Variants in PCNX1 observed in about 807,000 individuals in gnomAD.
The protein encoded by PCNX1 is pecanex 1.
PCNX1 carries 78 observed loss-of-function variants against 242.2 expected under a neutral mutation model. The ratio of observed to expected loss-of-function variants is 0.32; its 90% CI spans 0.27 to 0.39. The LOEUF (loss-of-function observed/expected upper bound fraction) is 0.39. PCNX1 is among the 10% of genes least tolerant of loss of function. PCNX1 has a pLI of 1.00. For missense variants in PCNX1, 2,581 were observed against 2,856.5 expected, an observed-to-expected ratio of 0.90 and a Z score of 2.20; for synonymous variants, 1,024 against 1,032.9, an observed-to-expected ratio of 0.99 and a Z score of 0.17.
chr14:70,909,337 T>C (rs1295477752), intron 1 of PCNX1, among the ~76,000 whole-genome samples: 1 of 152,188 alleles, frequency 6.6e-6, no homozygotes, highest in Non-Finnish European at 1.5e-5. Context: ...TGTTCAGTCT[T>C]GTTGCATTCT....
intron 32 of PCNX1, 107 bp downstream of exon 32, chr14:71,103,776 G>C (rs2062528038): frequency 1.1e-6 from 1 of 939,144 alleles, no homozygotes; most frequent in Admixed American, 2.2e-5. Context: ...AGGTGCCATG[G>C]TACAATATGA....
At chr14:71,010,173 A>T (rs1281395448) in intron 9 of PCNX1, among the ~76,000 whole-genome samples, 1 of 152,152 alleles carries the variant, frequency 6.6e-6, no homozygotes, top group Non-Finnish European at 1.5e-5. Context: ...AACAAAAGCT[A>T]TTCTGTGTTT....
intron 7 of PCNX1, among the ~76,000 whole-genome samples, chr14:70,989,534 A>ATTTT (rs34767376): frequency 4.9e-4 from 62 of 126,312 alleles, no homozygotes; most frequent in Admixed American, 8.9e-4. Context: ...ACAGATATAA[A>ATTTT]TTTTTTTTTT....
In PCNX1 at chr14:70,908,121, G is replaced by T. The variant is rs1459928662; in HGVS notation, c.153+118G>T. ...GTCCCCCGGGGGCCGCCACCCTCTC[G>T]GTGTGAGGCTCCCCGCCCCCACTGC... On this transcript the variant is annotated intron_variant, in intron 1 of 35. Transcript: ENST00000304743. The T allele has an allele frequency of 1.1e-5, 10 of 927,562 alleles. No homozygotes were observed. The East Asian group carries it at 2.0e-4, about 18-fold the overall frequency. The allele number at this position is 927,562 out of a possible 1,614,324, so 57.5% of individuals were successfully genotyped here. A position where few individuals can be genotyped will look rare whatever the true frequency, so the allele number is the denominator to read the frequency against.
Position 71,052,935 on chromosome 14 carries a change from C to G in PCNX1, c.4577+923C>G, listed in dbSNP as rs1026938780. On this transcript the variant is annotated intron_variant, in intron 24 of 35. Transcript: ENST00000304743. ...TTATGGAGCATAAACATTTTTAAGG[C>G]TTTTAATATAAACACATTGGTTTAG... Among the ~76,000 whole-genome samples, 16 of 152,230 alleles carry G rather than the reference C, an allele frequency of 1.1e-4. No individual in the cohort carries two copies. The South Asian group carries it at 1.2e-3, about 12-fold the overall frequency.
At chr14:70,919,738 G>T in intron 1 of PCNX1, among the ~76,000 whole-genome samples, 1 of 60,940 alleles carries the variant, frequency 1.6e-5, no homozygotes. Context: ...CCACCAAATA[G>T]GAGATGCTTT....
In PCNX1 at chr14:71,013,107, C is replaced by T. The variant is rs146931340; in HGVS notation, c.2901C>T (p.Ala967=). 27 of 1,614,006 alleles carry T rather than the reference C, an allele frequency of 1.7e-5. No homozygotes were observed. In the African/African-American group the frequency reaches 3.2e-4, roughly 19 times the overall value. ...AATYGPTEEA[A]QKVKHYYRFW... ...CTTACGGCCCAACAGAAGAAGCTGC[C>T]CAAAAGGTTAAACACTATTATCGCT... Residue 967 remains alanine (A), a synonymous_variant, in exon 11 of 36, where the codon GCC becomes GCT. Transcript: ENST00000304743.
At position 71,047,992 on chromosome 14, in the gene PCNX1, A is replaced by T; in HGVS notation, c.4338+8A>T. The T allele has an allele frequency of 6.3e-7, 1 of 1,598,560 alleles. No individual in the cohort carries two copies. The highest frequency in any genetic ancestry group is 8.6e-7 in the Non-Finnish European group (1 of 1,168,218). ...TCCATACTCTTCAACAAGGTAATTT[A>T]TCACTGAAAGGAATATCCTTATCTA... On this transcript the variant is annotated splice_region_variant and intron_variant, in intron 22 of 35. Coordinates refer to ENST00000304743, the MANE Select transcript of PCNX1 (RefSeq NM_014982.3).
intron 1 of PCNX1, among the ~76,000 whole-genome samples, chr14:70,945,050 A>G (rs757485688): frequency 5.9e-5 from 9 of 152,134 alleles, no homozygotes; most frequent in Non-Finnish European, 1.2e-4. Context: ...AGCTCATCCT[A>G]CAGCCCCTCT....
At chr14:70,949,213 G>C (rs2057633474) in intron 2 of PCNX1, among the ~76,000 whole-genome samples, 1 of 128,364 alleles carries the variant, frequency 7.8e-6, no homozygotes, top group Non-Finnish European at 1.6e-5. Context: ...ATATACACAT[G>C]TATATATAGA....
chr14:71,004,703 C>T (rs767215620), intron 8 of PCNX1, among the ~76,000 whole-genome samples: 3 of 152,110 alleles, frequency 2.0e-5, no homozygotes, highest in Non-Finnish European at 2.9e-5. Context: ...AAAACTGAGT[C>T]ACCACTTATG....
At chr14:71,012,160 CAAACAG>C (rs1284975936) in intron 10 of PCNX1, 2 of 152,898 alleles carry the variant, frequency 1.3e-5, no homozygotes, top group East Asian at 3.8e-4. Flanking sequence ...AACAAACAAA[CAAACAG>C]GGGTGAGGGA....
intron 6 of PCNX1, among the ~76,000 whole-genome samples, chr14:70,979,903 C>G (rs2058787479): frequency 6.6e-6 from 1 of 150,876 alleles, no homozygotes; most frequent in African/African-American, 2.4e-5. Flanking sequence ...TGGTTATAAC[C>G]ATTTGGTGAC....
intron 1 of PCNX1, among the ~76,000 whole-genome samples, chr14:70,919,303 A>G (rs940963883): frequency 6.6e-6 from 1 of 152,168 alleles, no homozygotes; most frequent in Non-Finnish European, 1.5e-5. Flanking sequence ...CAAATTAAGG[A>G]TGCATACTGC....
In PCNX1 at chr14:71,109,874, T is replaced by C. The variant is rs368244925; in HGVS notation, c.6965T>C (p.Ile2322Thr). Residue 2322 changes from isoleucine to threonine, a missense_variant, in exon 36 of 36, where the codon ATT becomes ACT. This residue lies in a region of PCNX1 where 432 missense variants were observed against 433.6 expected (regional missense o/e 1.00). Coordinates refer to ENST00000304743, the MANE Select transcript of PCNX1 (RefSeq NM_014982.3). ...HIDKAVLLVQ[I>T]DDKYVTVIET... ...GACAAGGCAGTGCTTCTGGTCCAGA[T>C]TGATGATAAATATGTGACTGTAATT... The C allele has an allele frequency of 2.0e-5, 33 of 1,613,090 alleles. No individual in the cohort carries two copies. The highest frequency in any genetic ancestry group is 3.3e-4 in the Middle Eastern group (2 of 6,082).
At chr14:70,923,997 G>A (rs1431008411) in intron 1 of PCNX1, among the ~76,000 whole-genome samples, 5 of 152,094 alleles carry the variant, frequency 3.3e-5, no homozygotes, top group Non-Finnish European at 5.9e-5. Flanking sequence ...TTGGGAGGCC[G>A]AGGCAGGCAG....
chr14:71,109,876 G>C lies in PCNX1; in HGVS notation c.6967G>C (p.Asp2323His). The C allele has an allele frequency of 6.2e-7, 1 of 1,613,178 alleles. No homozygotes were observed. The highest frequency in any genetic ancestry group is 8.5e-7 in the Non-Finnish European group (1 of 1,179,202). Residue 2323 changes from aspartate to histidine, a missense_variant, in exon 36 of 36, where the codon GAT becomes CAT. Asp to His is a moderately conservative substitution (Grantham distance 81). Coordinates refer to ENST00000304743, the MANE Select transcript of PCNX1 (RefSeq NM_014982.3). ...CAAGGCAGTGCTTCTGGTCCAGATT[G>C]ATGATAAATATGTGACTGTAATTGA... ...IDKAVLLVQI[D>H]DKYVTVIETG... is the part of the protein sequence containing the mutation.
chr14:71,045,381 A>C (rs1381544848), intron 20 of PCNX1, 98 bp downstream of exon 20: 1 of 856,572 alleles, frequency 1.2e-6, no homozygotes, highest in Non-Finnish European at 1.8e-6. Flanking sequence ...ATAACAGAAC[A>C]TTTGGCTTGT....
At chr14:71,089,063 G>A (rs1004872231) in intron 29 of PCNX1, 129 bp from the exon 30 acceptor site, 2 of 668,908 alleles carry the variant, frequency 3.0e-6, no homozygotes, top group African/African-American at 3.6e-5. Flanking sequence ...TCAGGGTTCT[G>A]ACATTAGTTC....
Sources: allele counts gnomAD v4.1 joint callset (sites outside exome capture counted in the v4.1 genomes callset), GRCh38; gene constraint gnomAD v4.1.1; regional missense constraint gnomAD v4.1.1; transcripts MANE v1.5; gene names NCBI Gene and HGNC (gene_info 2026-07-23, HGNC 2026-07-21).